Variants in COL19A1 observed in about 807,000 individuals in gnomAD.
COL19A1 encodes collagen alpha-1(XIX) chain.
COL19A1 carries 159 observed loss-of-function variants against 190.2 expected under a neutral mutation model. The observed-to-expected ratio is 0.84, with a 90% CI of 0.73 to 0.95. COL19A1 has a LOEUF of 0.95. COL19A1 is among the 40% of genes least tolerant of loss of function. The probability of loss-of-function intolerance (pLI) is 0.00; values close to 1 mark genes in which losing one functional copy is unlikely to be tolerated. For synonymous variants in COL19A1, 509 were observed against 458.9 expected (o/e 1.11, Z -1.39); for missense variants, 1,418 against 1,431.9 (o/e 0.99, Z 0.16).
Position 70,142,670 on chromosome 6 carries a change from C to T in COL19A1, c.1573-97C>T, listed in dbSNP as rs151229684. On this transcript the variant is annotated intron_variant, in intron 22 of 50. Transcript: ENST00000620364. ...ATGGTGGAAAGTTGGTCTTCCTATA[C>T]ATGAAGATCACACTATTCTTTACAA... 7.6e-4 allele frequency: 794 copies of T among 1,044,766 alleles called. 6 individuals are homozygous for T. The African/African-American group carries it at 0.012, about 16-fold the overall frequency. The allele number at this position is 1,044,766 out of a possible 1,614,324, so 64.7% of individuals were successfully genotyped here.
intron 14 of COL19A1, 54 bp downstream of exon 14, chr6:70,035,993 A>G (rs1779334387): frequency 2.0e-6 from 3 of 1,525,660 alleles, no homozygotes; most frequent in Non-Finnish European, 2.7e-6. Flanking sequence ...TCTGTTTATT[A>G]TCCATATTAC....
At chr6:70,162,262 A>G (rs565393593) in intron 35 of COL19A1, among the ~76,000 whole-genome samples, 1 of 152,274 alleles carries the variant, frequency 6.6e-6, no homozygotes, top group South Asian at 2.1e-4. Context: ...TTTTGGCACT[A>G]ACCTTTAGAA....
intron 22 of COL19A1, 151 bp from the exon 23 acceptor site, chr6:70,142,616 G>C: frequency 1.6e-6 from 1 of 619,330 alleles, no homozygotes; most frequent in South Asian, 2.1e-5. Context: ...GCACATTTCA[G>C]TATTATACAG....
intron 11 of COL19A1, among the ~76,000 whole-genome samples, chr6:70,018,993 G>A (rs537171488): frequency 6.6e-6 from 1 of 152,224 alleles, no homozygotes; most frequent in East Asian, 1.9e-4. Context: ...GTAATGGGGA[G>A]GATTGGGCTT....
At chr6:69,893,691 A>T (rs1274762403) in intron 2 of COL19A1, among the ~76,000 whole-genome samples, 1 of 152,236 alleles carries the variant, frequency 6.6e-6, no homozygotes, top group East Asian at 1.9e-4. Flanking sequence ...AAAAGTCCAC[A>T]TTCTATAGAA....
At chr6:70,063,120 A>C (rs1357962270) in intron 14 of COL19A1, among the ~76,000 whole-genome samples, 4 of 152,184 alleles carry the variant, frequency 2.6e-5, no homozygotes, top group African/African-American at 9.7e-5. Context: ...TCAGCTCTGC[A>C]CCAAGCAGAC....
chr6:69,982,008 T>C (rs1776060069), intron 11 of COL19A1, among the ~76,000 whole-genome samples: 1 of 152,060 alleles, frequency 6.6e-6, no homozygotes, highest in Admixed American at 6.6e-5. Flanking sequence ...CCAAGGAGCA[T>C]GACAAACATA....
intron 9 of COL19A1, among the ~76,000 whole-genome samples, chr6:69,954,429 G>C (rs1774296656): frequency 6.6e-6 from 1 of 151,960 alleles, no homozygotes; most frequent in Non-Finnish European, 1.5e-5. Flanking sequence ...AAATAGAGAA[G>C]AGAAATAGAG....
chr6:69,956,049 C>T (rs1055972807), intron 9 of COL19A1, among the ~76,000 whole-genome samples: 1 of 151,818 alleles, frequency 6.6e-6, no homozygotes, highest in Non-Finnish European at 1.5e-5. Context: ...TTATATTTGT[C>T]CTTAAATTTA....
At chr6:69,918,317 C>G (rs557648817) in intron 4 of COL19A1, among the ~76,000 whole-genome samples, 2 of 152,190 alleles carry the variant, frequency 1.3e-5, no homozygotes, top group African/African-American at 4.8e-5. Flanking sequence ...AACAGGAGTC[C>G]TGGGGAGAGA....
chr6:70,039,622 G>A (rs1779533735), intron 14 of COL19A1, among the ~76,000 whole-genome samples: 1 of 152,030 alleles, frequency 6.6e-6, no homozygotes, highest in African/African-American at 2.4e-5. Flanking sequence ...CCCCCTCTAA[G>A]CCATACATTC....
chr6:70,162,485 A>T (rs1366180794), intron 35 of COL19A1, among the ~76,000 whole-genome samples: 2 of 152,176 alleles, frequency 1.3e-5, no homozygotes, highest in Non-Finnish European at 2.9e-5. Flanking sequence ...CTTTTGCTTT[A>T]TACTTGCCAA....
At chr6:70,188,860 T>C (rs1411364980) in intron 47 of COL19A1, among the ~76,000 whole-genome samples, 1 of 152,204 alleles carries the variant, frequency 6.6e-6, no homozygotes, top group Non-Finnish European at 1.5e-5. Context: ...AAGGAGGGTC[T>C]TGAAGTGAAG....
intron 11 of COL19A1, among the ~76,000 whole-genome samples, chr6:69,965,918 C>T (rs531311245): frequency 3.9e-5 from 6 of 152,290 alleles, no homozygotes; most frequent in African/African-American, 1.4e-4. Context: ...ATTTTGGCTT[C>T]TCTCTCTATA....
At chr6:70,079,431 T>C (rs961314988) in intron 15 of COL19A1, among the ~76,000 whole-genome samples, 2 of 152,066 alleles carry the variant, frequency 1.3e-5, no homozygotes, top group Non-Finnish European at 2.9e-5. Flanking sequence ...GCCATCACAA[T>C]GGGGTGAGGG....
At chr6:70,190,493 T>C (rs1465153520) in intron 48 of COL19A1, 112 bp downstream of exon 48, 9 of 701,756 alleles carry the variant, frequency 1.3e-5, no homozygotes, top group Non-Finnish European at 2.2e-5. Flanking sequence ...ACAAAAACCT[T>C]AAGGGGCAGC....
At chr6:69,954,706 G>A (rs1170637605) in intron 9 of COL19A1, among the ~76,000 whole-genome samples, 1 of 151,954 alleles carries the variant, frequency 6.6e-6, no homozygotes, top group South Asian at 2.1e-4. Context: ...AAGTTATATT[G>A]CTTTCTTTTT....
chr6:69,937,858 GA>G (rs1261803457), intron 8 of COL19A1, among the ~76,000 whole-genome samples, 179 bp from the exon 9 acceptor site: 1 of 152,098 alleles, frequency 6.6e-6, no homozygotes, highest in Non-Finnish European at 1.5e-5. Context: ...ACAGTGAATG[GA>G]ATTCCATTGG....
chr6:70,023,477 G>A (rs1252956455), intron 11 of COL19A1, 150 bp from the exon 12 acceptor site: 16 of 616,922 alleles, frequency 2.6e-5, no homozygotes, highest in Admixed American at 2.0e-4. Context: ...TTGGTTTTAC[G>A]ACTCAGGATT....
Sources: gnomAD v4.1 joint callset for allele counts (sites outside exome capture counted in the v4.1 genomes callset) on GRCh38, gnomAD v4.1.1 for gene constraint, MANE v1.5 for transcripts, NCBI Gene and HGNC (gene_info 2026-07-23, HGNC 2026-07-21) for gene names.